Variants in ADAMTSL3 observed in about 807,000 individuals in gnomAD.
ADAMTSL3 encodes ADAMTS like 3.
A neutral mutation model predicts 201.7 loss-of-function variants in ADAMTSL3; 128 were observed. The ratio of observed to expected loss-of-function variants is 0.63; its 90% CI spans 0.55 to 0.73. ADAMTSL3 has a LOEUF of 0.73. ADAMTSL3 is among the 30% of genes least tolerant of loss of function. The pLI is 0.00. For missense variants in ADAMTSL3, 1,990 were observed against 2,119.6 expected (o/e 0.94, Z 1.20); for synonymous variants, 738 against 748.4 (o/e 0.99, Z 0.23).
At chr15:83,791,103 G>T (rs1230573202) in intron 4 of ADAMTSL3, among the ~76,000 whole-genome samples, 1 of 151,938 alleles carries the variant, frequency 6.6e-6, no homozygotes, top group Non-Finnish European at 1.5e-5. Context: ...ACAAATAAAT[G>T]GAACAATATT....
At chr15:83,718,656 A>G (rs1402690954) in intron 3 of ADAMTSL3, among the ~76,000 whole-genome samples, 1 of 149,522 alleles carries the variant, frequency 6.7e-6, no homozygotes, top group Non-Finnish European at 1.5e-5. Context: ...CTGCCACTGC[A>G]TTCTAGCCTG....
chr15:83,912,235 T>G (rs2065947570), intron 15 of ADAMTSL3, among the ~76,000 whole-genome samples: 1 of 152,256 alleles, frequency 6.6e-6, no homozygotes, highest in Non-Finnish European at 1.5e-5. Context: ...TTGCAAATAT[T>G]CAGTTCTGTT....
At chr15:83,867,566 A>C (rs528002603) in intron 8 of ADAMTSL3, among the ~76,000 whole-genome samples, 1 of 152,236 alleles carries the variant, frequency 6.6e-6, no homozygotes, top group Non-Finnish European at 1.5e-5. Flanking sequence ...AGGACCATAT[A>C]TAGAGATGTA....
At chr15:83,963,124 G>GT (rs954176127) in intron 19 of ADAMTSL3, among the ~76,000 whole-genome samples, 43 of 152,284 alleles carry the variant, frequency 2.8e-4, no homozygotes, top group Middle Eastern at 3.4e-3. Context: ...GCTGCAGGAG[G>GT]TTTTTTTCAT....
chr15:83,965,603 C>T (rs1596474337), intron 19 of ADAMTSL3, among the ~76,000 whole-genome samples: 2 of 152,318 alleles, frequency 1.3e-5, no homozygotes, highest in South Asian at 4.1e-4. Flanking sequence ...TAACACCCTA[C>T]TGTCAACATT....
intron 4 of ADAMTSL3, among the ~76,000 whole-genome samples, chr15:83,802,168 A>AAAT (rs1307107862): frequency 3.3e-5 from 5 of 152,172 alleles, no homozygotes; most frequent in African/African-American, 1.2e-4. Context: ...CCAACTAATT[A>AAAT]AATAATACTT....
intron 2 of ADAMTSL3, among the ~76,000 whole-genome samples, chr15:83,671,782 C>G (rs1410387083): frequency 2.0e-5 from 3 of 152,182 alleles, no homozygotes; most frequent in Non-Finnish European, 4.4e-5. Flanking sequence ...TTTCTTGTCT[C>G]CTATTGATCT....
rs1205780731 is a variant in ADAMTSL3, at chr15:83,913,106, C to G, written c.1715C>G (p.Pro572Arg). The change falls in exon 16 of 30, where the codon CCC becomes CGC. Residue 572 changes from proline to arginine, a missense_variant. Transcript: ENST00000286744. Reference sequence around the variant, plus strand: ...GTTTTCCCTAGGTTCATTCCAGAACCCTGGTCAGCCTGCAGTACCACGTGT... The same window carrying G: ...GTTTTCCCTAGGTTCATTCCAGAACGCTGGTCAGCCTGCAGTACCACGTGT... ...ATEEPTFIPE[P>R]WSACSTTCGP... 2.5e-6 allele frequency: 4 copies of G among 1,614,000 alleles called. No homozygotes were observed. The highest frequency in any genetic ancestry group is 3.4e-6 in the Non-Finnish European group (4 of 1,179,998).
At chr15:83,849,046 A>G (rs886181294) in intron 7 of ADAMTSL3, among the ~76,000 whole-genome samples, 2 of 152,220 alleles carry the variant, frequency 1.3e-5, no homozygotes, top group Non-Finnish European at 2.9e-5. Flanking sequence ...AGTTACCACC[A>G]TCAACAACAA....
chr15:83,655,906 TA>T, intron 2 of ADAMTSL3, 76 bp downstream of exon 2: 1 of 1,417,772 alleles, frequency 7.1e-7, no homozygotes, highest in Non-Finnish European at 9.8e-7. Context: ...GTATACCACC[TA>T]AGATGTGGCA....
rs139348612 is a variant in ADAMTSL3, at chr15:83,677,819, T to C, written c.69+21989T>C. 2.0e-4 allele frequency among the ~76,000 whole-genome samples: 31 copies of C among 152,250 alleles called. 1 individual carries two copies. In the East Asian group the frequency reaches 5.2e-3, roughly 26 times the overall value. On this transcript the variant is annotated intron_variant, in intron 2 of 29. Transcript: ENST00000286744. The stretch of plus-strand genomic sequence containing the variant: ...TACTTCAGTTTTCCAGTTTTAAACT[T>C]ATTTTGTCTTTAGTCTCACTTTTTT...
chr15:83,766,326 T>A (rs868677393), intron 3 of ADAMTSL3, among the ~76,000 whole-genome samples: 1 of 152,198 alleles, frequency 6.6e-6, no homozygotes, highest in Non-Finnish European at 1.5e-5. Context: ...GCCTTGAACT[T>A]AGCAAGCTCT....
intron 2 of ADAMTSL3, among the ~76,000 whole-genome samples, chr15:83,699,816 C>T (rs2061743254): frequency 6.6e-6 from 1 of 152,154 alleles, no homozygotes; most frequent in African/African-American, 2.4e-5. Flanking sequence ...ATAACTGGCT[C>T]CTCCTGTTTG....
rs777302543 is a variant in ADAMTSL3, at chr15:83,696,442, T to C, written c.70-7947T>C. On this transcript the variant is annotated intron_variant, in intron 2 of 29. Coordinates refer to ENST00000286744, the MANE Select transcript of ADAMTSL3 (RefSeq NM_207517.3). ...TAATATTCCTGACAGTGACCTTACA[T>C]GGTGTCTGGCTAAGCGCTGGTGTCA... Among the ~76,000 whole-genome samples the C allele has an allele frequency of 4.1e-4, 63 of 152,348 alleles. 1 individual carries two copies. The highest frequency in any genetic ancestry group is 6.8e-3 in the Middle Eastern group (2 of 294).
chr15:83,760,597 A>G (rs1320129717), intron 3 of ADAMTSL3, among the ~76,000 whole-genome samples: 2 of 151,900 alleles, frequency 1.3e-5, no homozygotes, highest in African/African-American at 2.4e-5. Flanking sequence ...AAAACCTCCC[A>G]CCATCATTAT....
At chr15:83,851,684 A>C (rs1014336885) in intron 7 of ADAMTSL3, among the ~76,000 whole-genome samples, 2 of 152,254 alleles carry the variant, frequency 1.3e-5, no homozygotes, top group African/African-American at 4.8e-5. Context: ...CATGTATTCA[A>C]TCACACTGCC....
At chr15:83,978,841 G>T (rs2067335499) in intron 20 of ADAMTSL3, among the ~76,000 whole-genome samples, 1 of 152,208 alleles carries the variant, frequency 6.6e-6, no homozygotes, top group African/African-American at 2.4e-5. Context: ...CAGTAAATGG[G>T]CATGCAGCCA....
rs1250000533 is a variant in ADAMTSL3 at position 83,897,930 on chromosome 15, G to C, written c.1540G>C (p.Gly514Arg). ...TATTAACCACCGCGGAGAGCATGTT[G>C]GGGGCTGCAATCCACAACTGAAGTT... is the stretch of plus-strand genomic sequence containing the variant. ...LCINHRGEHV[G>R]GCNPQLKLHI... Residue 514 changes from glycine (G) to arginine (R), a missense_variant, in exon 14 of 30, where the codon GGG becomes CGG. Gly to Arg is a moderately radical substitution (Grantham distance 125, BLOSUM62 -2). Transcript: ENST00000286744. The C allele has an allele frequency of 6.2e-7, 1 of 1,613,762 alleles. No individual in the cohort carries two copies. Among genetic ancestry groups the C allele is most frequent in the Non-Finnish European group, 8.5e-7 (1 of 1,179,840 alleles).
At chr15:83,851,139 T>C (rs1204487828) in intron 7 of ADAMTSL3, among the ~76,000 whole-genome samples, 2 of 152,218 alleles carry the variant, frequency 1.3e-5, no homozygotes, top group Non-Finnish European at 2.9e-5. Flanking sequence ...GTTTGGGAAG[T>C]ACTGCCTTAT....
Sources: allele counts gnomAD v4.1 joint callset (sites outside exome capture counted in the v4.1 genomes callset), GRCh38; gene constraint gnomAD v4.1.1; transcripts MANE v1.5; gene names NCBI Gene and HGNC (gene_info 2026-07-23, HGNC 2026-07-21).